Variants in EFHD1 observed in about 807,000 individuals in gnomAD.
EFHD1 encodes EF-hand domain family member D1.
A neutral mutation model predicts 17.2 loss-of-function variants in EFHD1; 10 were observed. That is an observed-to-expected ratio of 0.58 (90% CI 0.36 to 0.99). EFHD1 has a LOEUF of 0.99. Among genes scored for constraint, EFHD1 ranks in the 50% least tolerant of loss-of-function variants. The probability of loss-of-function intolerance (pLI) is 0.01; values close to 1 mark genes in which losing one functional copy is unlikely to be tolerated. For missense variants in EFHD1, 310 were observed against 327.5 expected, an observed-to-expected ratio of 0.95 and a Z score of 0.41; for synonymous variants, 153 against 142.0, an observed-to-expected ratio of 1.08 and a Z score of -0.55.
In EFHD1 at chr2:232,672,300, C is replaced by G; in HGVS notation, c.451-9C>G. Reference sequence around the variant, plus strand: ...CTGACTCTGGTTCCCTACTTTCTTTCCCCTGTAGTTCCTGCTCATTTTCCA... The same window carrying G: ...CTGACTCTGGTTCCCTACTTTCTTTGCCCTGTAGTTCCTGCTCATTTTCCA... On this transcript the variant is annotated splice_polypyrimidine_tract_variant and intron_variant, in intron 2 of 3. Transcript: ENST00000264059. 1 of 1,614,174 alleles carries G rather than the reference C, an allele frequency of 6.2e-7. No homozygotes were observed. Among genetic ancestry groups the G allele is most frequent in the Non-Finnish European group, 8.5e-7 (1 of 1,180,034 alleles).
intron 1 of EFHD1, among the ~76,000 whole-genome samples, chr2:232,627,026 CTCTCTCTCTCTATA>C (rs1308410044): frequency 1.7e-5 from 1 of 57,708 alleles, no homozygotes; most frequent in African/African-American, 7.2e-5. Context: ...CTCTCTCTCT[CTCTCTCTCTCTATA>C]TATATATATA....
chr2:232,681,782 A>C lies in EFHD1; in HGVS notation c.*63A>C. On this transcript the variant is annotated 3_prime_UTR_variant, in exon 4 of 4. Coordinates refer to ENST00000264059, the MANE Select transcript of EFHD1 (RefSeq NM_025202.4). ...ACAGATGCCCCGAGAAGAGATGACTAGGCATCTTCATCACTGCTGTCGGTC... is the reference window on the plus strand; with the variant it reads ...ACAGATGCCCCGAGAAGAGATGACTCGGCATCTTCATCACTGCTGTCGGTC... 2 of 1,570,082 alleles carry C rather than the reference A, an allele frequency of 1.3e-6. No individual in the cohort carries two copies. The highest frequency in any genetic ancestry group is 1.7e-6 in the Non-Finnish European group (2 of 1,157,632).
chr2:232,677,254 A>G lies in EFHD1; in HGVS notation c.586-4331A>G, dbSNP rs1695194612. ...CACACACACACACGTACACACACAC[A>G]TCTTTCTATAACACACACATACACA... On this transcript the variant is annotated intron_variant, in intron 3 of 3. Coordinates refer to ENST00000264059, the MANE Select transcript of EFHD1 (RefSeq NM_025202.4). 1.7e-5 allele frequency among the ~76,000 whole-genome samples: 2 copies of G among 114,982 alleles called. 1 individual carries two copies. Among genetic ancestry groups the G allele is most frequent in the South Asian group, 6.1e-4 (2 of 3,254 alleles). The allele number at this position is 114,982 out of a possible 152,430, so 75.4% of individuals were successfully genotyped here. A position where few individuals can be genotyped will look rare whatever the true frequency, so the allele number is the denominator to read the frequency against.
intron 3 of EFHD1, among the ~76,000 whole-genome samples, chr2:232,681,134 C>T (rs1002023489): frequency 2.6e-5 from 4 of 151,360 alleles, no homozygotes; most frequent in East Asian, 1.9e-4. Flanking sequence ...CCAGCCTGAG[C>T]GACAGAGCGA....
At chr2:232,618,085 T>C (rs534828364) in intron 1 of EFHD1, among the ~76,000 whole-genome samples, 1 of 152,012 alleles carries the variant, frequency 6.6e-6, no homozygotes, top group East Asian at 2.0e-4. Context: ...AGTGGCTTGA[T>C]CTCGGCTCAC....
At chr2:232,622,949 A>G (rs1164490321) in intron 1 of EFHD1, among the ~76,000 whole-genome samples, 1 of 152,246 alleles carries the variant, frequency 6.6e-6, no homozygotes, top group Non-Finnish European at 1.5e-5. Flanking sequence ...ATATTGGATT[A>G]CATTAAATGT....
chr2:232,631,290 CTCTCTCTCTCTCTG>C (rs1236476378), upstream of EFHD1, among the ~76,000 whole-genome samples: 11 of 150,862 alleles, frequency 7.3e-5, no homozygotes, highest in African/African-American at 2.7e-4. Flanking sequence ...CTTTCTTTCT[CTCTCTCTCTCTCTG>C]TCTCTCTCTC....
intron 3 of EFHD1, among the ~76,000 whole-genome samples, chr2:232,674,795 C>T (rs1695140313): frequency 6.6e-6 from 1 of 152,018 alleles, no homozygotes; most frequent in Non-Finnish European, 1.5e-5. Flanking sequence ...TGGGGATTCA[C>T]CTTGTAATCA....
intron 1 of EFHD1, among the ~76,000 whole-genome samples, chr2:232,641,259 C>T (rs1186117963): frequency 3.3e-5 from 5 of 152,106 alleles, no homozygotes; most frequent in Non-Finnish European, 7.3e-5. Context: ...CCAGCCTGGT[C>T]CTGGGCTCAA....
rs777676873 is a variant in EFHD1 at position 232,681,642 on chromosome 2, G to A, written c.643G>A (p.Glu215Lys). 1 of 1,614,250 alleles carries A rather than the reference G, an allele frequency of 6.2e-7. No individual in the cohort carries two copies. Among genetic ancestry groups the A allele is most frequent in the Non-Finnish European group, 8.5e-7 (1 of 1,180,050 alleles). ...AGCAGAGTTGAAAGCTGAGCAAGAT[G>A]AGCGGAAGCGGGAGGAGGAGGAGAG... The part of the protein sequence containing the change: ...FEAELKAEQD[E>K]RKREEEERRL... Residue 215 changes from glutamate (E) to lysine (K), a missense_variant, in exon 4 of 4, where the codon GAG becomes AAG. By Grantham distance (56) the Glu-to-Lys change is moderately conservative (BLOSUM62 1). Transcript: ENST00000264059.
intron 1 of EFHD1, among the ~76,000 whole-genome samples, chr2:232,607,819 C>T (rs114474924): frequency 0.015 from 2,275 of 151,208 alleles, 61 homozygotes; most frequent in African/African-American, 0.052. Context: ...TAGGGCCAGG[C>T]GTGGTGGCTC....
upstream of EFHD1, among the ~76,000 whole-genome samples, chr2:232,629,899 A>T (rs531297585): frequency 1.2e-4 from 19 of 152,120 alleles, 1 homozygote; most frequent in Non-Finnish European, 2.8e-4. Flanking sequence ...AACATGGGTC[A>T]TATTTGTACA....
At chr2:232,653,789 T>C (rs1479838673) in intron 1 of EFHD1, among the ~76,000 whole-genome samples, 1 of 152,232 alleles carries the variant, frequency 6.6e-6, no homozygotes, top group Admixed American at 6.5e-5. Context: ...TGTACCCAGC[T>C]GGTGGCTCTC....
chr2:232,634,828 C>T (rs920371532), intron 1 of EFHD1, among the ~76,000 whole-genome samples: 3 of 152,222 alleles, frequency 2.0e-5, no homozygotes, highest in Non-Finnish European at 4.4e-5. Flanking sequence ...TATTTTGCAC[C>T]CGGTAAGCTC....
intron 2 of EFHD1, among the ~76,000 whole-genome samples, chr2:232,666,545 C>T (rs1559354492): frequency 2.6e-5 from 4 of 152,216 alleles, no homozygotes; most frequent in Admixed American, 2.6e-4. Context: ...CTGTTGTACT[C>T]AGCGGCCAAC....
chr2:232,634,005 C>A lies in EFHD1; in HGVS notation c.301C>A (p.Leu101Met). Residue 101 changes from leucine to methionine, a missense_variant and splice_region_variant, in exon 1 of 4, where the codon CTG becomes ATG. Leu to Met is a conservative substitution (Grantham distance 15). Transcript: ENST00000264059. ...CAAGGACCTGGAGAGCATGTTCAAACTGTGAGCTCCCGCTGCGCGCCCTTC... is the reference window on the plus strand; with the variant it reads ...CAAGGACCTGGAGAGCATGTTCAAAATGTGAGCTCCCGCTGCGCGCCCTTC... ...LIKDLESMFK[L>M]YDAGRDGFID... 1 of 1,597,394 alleles carries A rather than the reference C, an allele frequency of 6.3e-7. No individual in the cohort carries two copies. Among genetic ancestry groups the A allele is most frequent in the Non-Finnish European group, 8.5e-7 (1 of 1,179,346 alleles).
upstream of EFHD1, among the ~76,000 whole-genome samples, chr2:232,629,082 C>T (rs1182298650): frequency 6.6e-6 from 1 of 152,202 alleles, no homozygotes; most frequent in Non-Finnish European, 1.5e-5. Flanking sequence ...TTCTTGCCTC[C>T]AGCCTTAGCA....
intron 1 of EFHD1, among the ~76,000 whole-genome samples, chr2:232,659,860 A>G (rs540235023): frequency 2.0e-4 from 31 of 152,338 alleles, no homozygotes; most frequent in Admixed American, 5.9e-4. Flanking sequence ...CAACCATGGC[A>G]GAAGGTGAAG....
At chr2:232,673,139 C>T (rs572660117) in intron 3 of EFHD1, among the ~76,000 whole-genome samples, 21 of 152,318 alleles carry the variant, frequency 1.4e-4, no homozygotes, top group South Asian at 6.2e-4. Context: ...TTTCTAAAGG[C>T]GAAGTGGTCA....
Sources: gnomAD v4.1 joint callset for allele counts (sites outside exome capture counted in the v4.1 genomes callset) on GRCh38, gnomAD v4.1.1 for gene constraint, MANE v1.5 for transcripts, NCBI Gene and HGNC (gene_info 2026-07-23, HGNC 2026-07-21) for gene names.